Variants in OSBPL9 observed in about 807,000 individuals in gnomAD.
OSBPL9 encodes oxysterol-binding protein-related protein 9.
In OSBPL9, 40 loss-of-function variants were observed where a neutral mutation model predicts 106.6. The ratio of observed to expected loss-of-function variants is 0.38; its 90% confidence interval spans 0.29 to 0.49. The LOEUF is 0.49. OSBPL9 is among the 20% of genes least tolerant of loss of function. The pLI is 0.97. For missense variants in OSBPL9, 609 were observed against 887.2 expected (o/e 0.69, Z 3.98); for synonymous variants, 269 against 295.4 (o/e 0.91, Z 0.92).
At chr1:51,573,762 C>A (rs1429847202), upstream of OSBPL9, among the ~76,000 whole-genome samples, 6 of 148,136 alleles carry the variant, frequency 4.1e-5, no homozygotes, top group Admixed American at 3.4e-4. Context: ...TGCAGTGAGC[C>A]GAGATTGCAC....
At chr1:51,545,689 C>T in the OSBPL9 span, among the ~76,000 whole-genome samples, 7 of 152,260 alleles carry the variant, frequency 4.6e-5, no homozygotes, top group African/African-American at 1.4e-4. Flanking sequence ...GTGAGAGGAT[C>T]GCTTGAGTGC....
chr1:51,614,364 C>T (rs1382084406), upstream of OSBPL9: 1 of 152,014 alleles, frequency 6.6e-6, no homozygotes, highest in Non-Finnish European at 1.5e-5. Context: ...TCTTGGCTCA[C>T]TGCAGTCTTG....
rs534477125 is a variant in OSBPL9 at position 51,767,920 on chromosome 1, GAGAATTAA to G, written c.938+1943_938+1950del. Among the ~76,000 whole-genome samples the G allele has an allele frequency of 6.4e-3, 886 of 139,138 alleles. 5 individuals are homozygous for G. Among genetic ancestry groups the G allele is most frequent in the Non-Finnish European group, 0.011 (708 of 64,166 alleles). The allele number at this position is 139,138 out of a possible 152,430, so 91.3% of individuals were successfully genotyped here. A position where few individuals can be genotyped will look rare whatever the true frequency, so the allele number is the denominator to read the frequency against. ...GGTTCAGTCATTATTTTATTTAAAA[GAGAATTAA>G]AGACCGTCTTTTTTTTTTTTTTTTT... On this transcript the variant is annotated intron_variant, in intron 12 of 23. Transcript: ENST00000428468.
At position 51,788,155 on chromosome 1, in the gene OSBPL9, T is replaced by TACAC. The variant is rs71247587; in HGVS notation, c.*380_*383dup. ...TTTCTTAGTTCATATAATCTCGGGATACACACACACACACACATATATATA... is the reference window on the plus strand; with the variant it reads ...TTTCTTAGTTCATATAATCTCGGGATACACACACACACACACACACATATATATA... On this transcript the variant is annotated 3_prime_UTR_variant, in exon 24 of 24. Coordinates refer to ENST00000428468, the MANE Select transcript of OSBPL9 (RefSeq NM_024586.6). The TACAC allele has an allele frequency of 2.5e-4, 58 of 234,870 alleles. No homozygotes were observed. In the East Asian group the frequency reaches 3.3e-3, roughly 13 times the overall value. 14.5% of individuals were successfully genotyped at this position (234,870 alleles called of 1,614,324 possible). A position where few individuals can be genotyped will look rare whatever the true frequency, so the allele number is the denominator to read the frequency against.
At chr1:51,737,287 G>A (rs1356537226) in intron 4 of OSBPL9, among the ~76,000 whole-genome samples, 1 of 151,918 alleles carries the variant, frequency 6.6e-6, no homozygotes, top group African/African-American at 2.4e-5. Context: ...AAAGAATAAT[G>A]CTTATGACCT....
At chr1:51,682,464 TAAAG>T (rs988281263) in intron 3 of OSBPL9, among the ~76,000 whole-genome samples, 1 of 151,948 alleles carries the variant, frequency 6.6e-6, no homozygotes, top group East Asian at 1.9e-4. Flanking sequence ...GATGAACAGA[TAAAG>T]AAAATGTGTG....
rs148362410 is a variant in OSBPL9, at chr1:51,684,228, C to T, written c.241+14716C>T. On this transcript the variant is annotated intron_variant, in intron 3 of 23. Coordinates refer to ENST00000428468, the MANE Select transcript of OSBPL9 (RefSeq NM_024586.6). ...CTCACTATGTTGCCTAGGCTGGTCT[C>T]GAACTCCTGGCCTCAAGTGATTCTC... Among the ~76,000 whole-genome samples, 1,017 of 152,230 alleles carry T rather than the reference C, an allele frequency of 6.7e-3. 17 individuals are homozygous for T. Among genetic ancestry groups the T allele is most frequent in the African/African-American group, 0.023 (962 of 41,540 alleles).
chr1:51,787,602 A>G (rs985547294), intron 23 of OSBPL9, 113 bp from the exon 24 acceptor site: 12 of 1,600,892 alleles, frequency 7.5e-6, no homozygotes, highest in Non-Finnish European at 6.0e-6. Context: ...GCTGGTCCCT[A>G]CTTGAAACTC....
the OSBPL9 span, among the ~76,000 whole-genome samples, chr1:51,519,010 AG>A: frequency 2.0e-5 from 3 of 151,180 alleles, no homozygotes; most frequent in African/African-American, 7.3e-5. Context: ...CGGCGGCCGC[AG>A]GGGGGCTCCG....
At chr1:51,784,402 C>G (rs2474119) in intron 19 of OSBPL9, 40 bp from the exon 20 acceptor site, 1 of 1,613,358 alleles carries the variant, frequency 6.2e-7, no homozygotes, top group South Asian at 1.1e-5. Flanking sequence ...CCCTCTTCCT[C>G]TTAACTGTCA....
intron 4 of OSBPL9, among the ~76,000 whole-genome samples, chr1:51,719,429 G>A (rs1457741265): frequency 1.3e-5 from 2 of 151,986 alleles, no homozygotes. Context: ...ATTAATAGAG[G>A]GGAACTTTTC....
At chr1:51,551,467 T>C in the OSBPL9 span, among the ~76,000 whole-genome samples, 7 of 152,232 alleles carry the variant, frequency 4.6e-5, no homozygotes, top group African/African-American at 1.7e-4. Context: ...TTGCTTCTCT[T>C]AGGTCCTGTT....
chr1:51,541,116 G>A, the OSBPL9 span, among the ~76,000 whole-genome samples: 1 of 152,030 alleles, frequency 6.6e-6, no homozygotes, highest in Non-Finnish European at 1.5e-5. Flanking sequence ...AGGCAACAGA[G>A]TGAGACTCTG....
intron 2 of OSBPL9, among the ~76,000 whole-genome samples, chr1:51,660,366 T>TC (rs1229726558): frequency 6.6e-6 from 1 of 151,968 alleles, no homozygotes; most frequent in African/African-American, 2.4e-5. Flanking sequence ...AAAAGACAAC[T>TC]CATGGATAGA....
At chr1:51,588,972 CAG>C (rs935223739) in intron 1 of OSBPL9, among the ~76,000 whole-genome samples, 2 of 152,056 alleles carry the variant, frequency 1.3e-5, no homozygotes, top group Non-Finnish European at 2.9e-5. Context: ...AACGGAGAGA[CAG>C]AGAGAGATAG....
At chr1:51,649,681 C>A (rs1646386311) in intron 1 of OSBPL9, among the ~76,000 whole-genome samples, 1 of 149,460 alleles carries the variant, frequency 6.7e-6, no homozygotes. Context: ...TGGGAGGAGC[C>A]TTCTGGAGTC....
the OSBPL9 span, among the ~76,000 whole-genome samples, chr1:51,537,801 A>G: frequency 6.6e-6 from 1 of 151,940 alleles, no homozygotes. Context: ...TTGGCCTCCC[A>G]AAGTGCTGGG....
rs529891730 is a variant in OSBPL9 at position 51,632,994 on chromosome 1, C to T, written c.111+15773C>T. On this transcript the variant is annotated intron_variant, in intron 1 of 23. Transcript: ENST00000428468. ...AATACTTTTCTCTTTTTTTTGAGAC[C>T]GAGTCTTACTCTGTCCTCCAGGCTG... Among the ~76,000 whole-genome samples the T allele has an allele frequency of 1.1e-3, 174 of 151,468 alleles. 4 individuals are homozygous for T. In the South Asian group the frequency reaches 0.017, roughly 15 times the overall value.
the OSBPL9 span, among the ~76,000 whole-genome samples, chr1:51,542,889 AT>A: frequency 6.6e-6 from 1 of 152,346 alleles, no homozygotes; most frequent in African/African-American, 2.4e-5. Context: ...AAATGGGGAT[AT>A]CAGGGCCTAA....
Sources: gnomAD v4.1 joint callset for allele counts (sites outside exome capture counted in the v4.1 genomes callset) on GRCh38, gnomAD v4.1.1 for gene constraint, MANE v1.5 for transcripts, NCBI Gene and HGNC (gene_info 2026-07-23, HGNC 2026-07-21) for gene names.